AKAP6: variants seen among roughly 807,000 people sequenced by gnomAD.
AKAP6 encodes A-kinase anchor protein 6.
Under a neutral mutation model 188.5 loss-of-function variants are expected in AKAP6, and 58 were observed. That is an observed-to-expected ratio of 0.31 (90% confidence interval 0.25 to 0.38). The LOEUF (loss-of-function observed/expected upper bound fraction) is 0.38, where lower values mean the gene tolerates loss of function less well. Among genes scored for constraint, AKAP6 ranks in the 10% least tolerant of loss-of-function variants. The probability of loss-of-function intolerance (pLI) is 1.00; values close to 1 mark genes in which losing one functional copy is unlikely to be tolerated. For synonymous variants in AKAP6, 989 were observed against 998.6 expected, an observed-to-expected ratio of 0.99 and a Z score of 0.18; for missense variants, 2,710 against 2,740.0, an observed-to-expected ratio of 0.99 and a Z score of 0.24.
At chr14:32,718,402 C>G in intron 9 of AKAP6, 3 of 856,956 alleles carry the variant, frequency 3.5e-6, no homozygotes, top group Non-Finnish European at 4.2e-6. Flanking sequence ...CCAAAAGAAA[C>G]AAAAAGGCCC....
intron 1 of AKAP6, among the ~76,000 whole-genome samples, chr14:32,422,825 G>A (rs1889896505): frequency 6.6e-6 from 1 of 151,748 alleles, no homozygotes; most frequent in South Asian, 2.1e-4. Flanking sequence ...TTAGATAAAG[G>A]TAATTCTTCC....
intron 11 of AKAP6, among the ~76,000 whole-genome samples, chr14:32,759,716 G>A (rs940034664): frequency 2.6e-5 from 4 of 152,120 alleles, no homozygotes; most frequent in African/African-American, 9.7e-5. Context: ...CACAACACAA[G>A]GCAAAAGCAA....
In AKAP6 at chr14:32,329,359, C is replaced by G. The variant is rs955240596; in HGVS notation, c.-84C>G. The G allele has an allele frequency of 1.3e-5, 2 of 152,112 alleles. No individual in the cohort carries two copies. The highest frequency in any genetic ancestry group is 4.8e-5 in the African/African-American group (2 of 41,430). 9.4% of individuals were successfully genotyped at this position (152,112 alleles called of 1,614,324 possible). A position where few individuals can be genotyped will look rare whatever the true frequency, so the allele number is the denominator to read the frequency against. ...AACAAGGCATCTCCTAGTATTGCAT[C>G]CTACAGATGTGCTGTAAACATCAAA... On this transcript the variant is annotated 5_prime_UTR_variant, in exon 1 of 14. The change creates a new upstream start codon in the 5' untranslated region. Transcript: ENST00000280979.
chr14:32,799,598 C>A (rs1414825744), intron 12 of AKAP6, among the ~76,000 whole-genome samples: 11 of 151,802 alleles, frequency 7.2e-5, no homozygotes, highest in Admixed American at 6.6e-5. Flanking sequence ...TTGTTTATTT[C>A]TCAATATTTG....
chr14:32,634,242 G>A (rs1037819870), intron 7 of AKAP6, among the ~76,000 whole-genome samples: 2 of 151,988 alleles, frequency 1.3e-5, no homozygotes, highest in Non-Finnish European at 2.9e-5. Flanking sequence ...AGGATAATAA[G>A]AGTACCCAAC....
At chr14:32,516,283 G>C (rs1881518844) in intron 2 of AKAP6, among the ~76,000 whole-genome samples, 2 of 152,180 alleles carry the variant, frequency 1.3e-5, no homozygotes, top group Admixed American at 1.3e-4. Flanking sequence ...ATGATCACGT[G>C]TTTTTGTCAT....
At chr14:32,598,355 A>G (rs578175256) in intron 5 of AKAP6, among the ~76,000 whole-genome samples, 2 of 152,240 alleles carry the variant, frequency 1.3e-5, no homozygotes, top group African/African-American at 4.8e-5. Flanking sequence ...TCAAGAAATG[A>G]ATTTTCACCC....
chr14:32,398,160 G>A (rs1426685764), intron 1 of AKAP6, among the ~76,000 whole-genome samples: 1 of 152,200 alleles, frequency 6.6e-6, no homozygotes, highest in East Asian at 1.9e-4. Flanking sequence ...TTTCTTAAAT[G>A]AGAAACATAA....
intron 1 of AKAP6, among the ~76,000 whole-genome samples, chr14:32,416,232 A>G (rs114528502): frequency 6.6e-6 from 1 of 152,100 alleles, no homozygotes; most frequent in Non-Finnish European, 1.5e-5. Context: ...TGTGTTTTTG[A>G]TAGTACCCAT....
intron 11 of AKAP6, among the ~76,000 whole-genome samples, chr14:32,771,115 C>T (rs933471278): frequency 3.9e-5 from 6 of 152,026 alleles, no homozygotes; most frequent in South Asian, 4.2e-4. Flanking sequence ...TTTTTGATTA[C>T]GAATGCATAT....
At chr14:32,488,348 C>T (rs1002387379) in intron 2 of AKAP6, among the ~76,000 whole-genome samples, 1 of 152,160 alleles carries the variant, frequency 6.6e-6, no homozygotes, top group Non-Finnish European at 1.5e-5. Flanking sequence ...ACTGCCTACT[C>T]AAGCCTCAGT....
intron 9 of AKAP6, among the ~76,000 whole-genome samples, chr14:32,702,768 C>T (rs937918104): frequency 5.9e-5 from 9 of 152,128 alleles, no homozygotes; most frequent in African/African-American, 1.4e-4. Context: ...GTGGATCAAA[C>T]GAGCCGTGGG....
chr14:32,401,996 A>T (rs1889108690), intron 1 of AKAP6: 3 of 152,150 alleles, frequency 2.0e-5, no homozygotes, highest in Admixed American at 2.0e-4. Context: ...GTTTAATCCT[A>T]GTTTGGACAG....
At chr14:32,532,825 G>C (rs1453863104) in intron 2 of AKAP6, among the ~76,000 whole-genome samples, 1 of 152,162 alleles carries the variant, frequency 6.6e-6, no homozygotes, top group Admixed American at 6.5e-5. Flanking sequence ...GTTGAACAGT[G>C]ATAACTATAG....
At chr14:32,744,358 C>T (rs1226048193) in intron 11 of AKAP6, among the ~76,000 whole-genome samples, 24 of 151,660 alleles carry the variant, frequency 1.6e-4, no homozygotes, top group Admixed American at 1.6e-3. Context: ...GCTCTGTCAC[C>T]CAGGCTAGAG....
chr14:32,516,632 A>G (rs1260279082), intron 2 of AKAP6, among the ~76,000 whole-genome samples: 1 of 152,230 alleles, frequency 6.6e-6, no homozygotes, highest in East Asian at 1.9e-4. Flanking sequence ...AGATCTTCTA[A>G]TTCTATTACC....
At chr14:32,768,076 A>G (rs2032773114) in intron 11 of AKAP6, among the ~76,000 whole-genome samples, 1 of 152,184 alleles carries the variant, frequency 6.6e-6, no homozygotes, top group Admixed American at 6.5e-5. Flanking sequence ...TGGCACATAA[A>G]TGGTGCCCAA....
intron 7 of AKAP6, among the ~76,000 whole-genome samples, chr14:32,643,703 G>T (rs914252074): frequency 6.6e-6 from 1 of 151,860 alleles, no homozygotes; most frequent in Non-Finnish European, 1.5e-5. Context: ...TTAAATATTT[G>T]AGCTATTTAA....
intron 7 of AKAP6, among the ~76,000 whole-genome samples, chr14:32,672,436 A>T (rs1338299472): frequency 6.6e-6 from 1 of 152,082 alleles, no homozygotes; most frequent in Non-Finnish European, 1.5e-5. Flanking sequence ...TGCAGGTTTG[A>T]TTTCAGGTGA....
Sources: allele counts gnomAD v4.1 joint callset (sites outside exome capture counted in the v4.1 genomes callset), GRCh38; gene constraint gnomAD v4.1.1; transcripts MANE v1.5; gene names NCBI Gene and HGNC (gene_info 2026-07-23, HGNC 2026-07-21).